FMNL2: variants seen among roughly 807,000 people sequenced by gnomAD.
FMNL2 encodes formin-like protein 2.
FMNL2 carries 51 observed loss-of-function variants against 130.2 expected under a neutral mutation model. That is an observed-to-expected ratio of 0.39 (90% CI 0.31 to 0.49). FMNL2 has a LOEUF of 0.49. Ranked by LOEUF, FMNL2 falls within the 20% of genes least tolerant of loss-of-function variation. The pLI is 0.85. For synonymous variants in FMNL2, 465 were observed against 467.1 expected (o/e 1.00, Z 0.06); for missense variants, 977 against 1,316.2 (o/e 0.74, Z 3.99).
chr2:152,494,567 TTCTC>T (rs1691396046), intron 1 of FMNL2, among the ~76,000 whole-genome samples: 1 of 152,174 alleles, frequency 6.6e-6, no homozygotes, highest in African/African-American at 2.4e-5. Flanking sequence ...TGCTACGAGT[TTCTC>T]TCCTTCCAGA....
chr2:152,592,101 C>CA (rs889822421), intron 9 of FMNL2, among the ~76,000 whole-genome samples: 9 of 150,014 alleles, frequency 6.0e-5, no homozygotes, highest in East Asian at 5.9e-4. Flanking sequence ...GACTTCGTCT[C>CA]AAAAAAAAAG....
chr2:152,580,940 C>T lies in FMNL2; in HGVS notation c.783-16C>T. 1 of 1,610,400 alleles carries T rather than the reference C, an allele frequency of 6.2e-7. No homozygotes were observed. Among genetic ancestry groups the T allele is most frequent in the Non-Finnish European group, 8.5e-7 (1 of 1,178,274 alleles). ...ATTTTCACTGATTTGTGTTTTTCTTCTTCTTGTTTTGGCAGAACAAAAGCC... is the reference window on the plus strand; with the variant it reads ...ATTTTCACTGATTTGTGTTTTTCTTTTTCTTGTTTTGGCAGAACAAAAGCC... On this transcript the variant is annotated splice_polypyrimidine_tract_variant and intron_variant, in intron 8 of 25. Coordinates refer to ENST00000288670, the MANE Select transcript of FMNL2 (RefSeq NM_052905.4).
intron 1 of FMNL2, among the ~76,000 whole-genome samples, chr2:152,387,958 G>A (rs1280818410): frequency 2.6e-5 from 4 of 151,930 alleles, no homozygotes; most frequent in Non-Finnish European, 5.9e-5. Context: ...TTGGCTGCAC[G>A]TTTTCTTTCC....
intron 1 of FMNL2, among the ~76,000 whole-genome samples, chr2:152,379,906 T>C (rs1017452974): frequency 6.6e-6 from 1 of 152,224 alleles, no homozygotes. Flanking sequence ...GTGAAAGCTA[T>C]AGAAAGCTGT....
chr2:152,440,464 G>T (rs1215602989), intron 1 of FMNL2, among the ~76,000 whole-genome samples: 1 of 152,210 alleles, frequency 6.6e-6, no homozygotes, highest in Non-Finnish European at 1.5e-5. Flanking sequence ...TAAGGACAAG[G>T]GAAATGGCCC....
chr2:152,568,280 A>G (rs1049255831), intron 6 of FMNL2, among the ~76,000 whole-genome samples: 3 of 141,860 alleles, frequency 2.1e-5, no homozygotes, highest in African/African-American at 8.2e-5. Flanking sequence ...TAGTGGCGTG[A>G]TCTCGGCTCA....
intron 1 of FMNL2, among the ~76,000 whole-genome samples, chr2:152,437,027 A>G (rs577862964): frequency 2.6e-5 from 4 of 152,310 alleles, no homozygotes; most frequent in African/African-American, 4.8e-5. Flanking sequence ...TGGTGAAGGT[A>G]TGCTTCATGG....
intron 10 of FMNL2, among the ~76,000 whole-genome samples, chr2:152,610,218 A>C (rs1418575247): frequency 6.6e-6 from 1 of 152,206 alleles, no homozygotes; most frequent in Non-Finnish European, 1.5e-5. Flanking sequence ...TCTTTAAAAA[A>C]TGTTCTTTGT....
At chr2:152,518,963 C>T (rs1028051306) in intron 1 of FMNL2, among the ~76,000 whole-genome samples, 5 of 152,320 alleles carry the variant, frequency 3.3e-5, no homozygotes, top group Middle Eastern at 3.4e-3. Flanking sequence ...CATGTCTAGG[C>T]ATGATATGGC....
chr2:152,351,939 C>T (rs1281915791), intron 1 of FMNL2, among the ~76,000 whole-genome samples: 1 of 152,164 alleles, frequency 6.6e-6, no homozygotes, highest in African/African-American at 2.4e-5. Context: ...TTGCATTTCT[C>T]TAATGACTAG....
intron 1 of FMNL2, among the ~76,000 whole-genome samples, chr2:152,442,515 C>T (rs1455760135): frequency 6.6e-6 from 1 of 152,092 alleles, no homozygotes; most frequent in Non-Finnish European, 1.5e-5. Flanking sequence ...TCCCTAAGTG[C>T]TGGGATTACA....
At chr2:152,614,266 T>G (rs571349180) in intron 11 of FMNL2, among the ~76,000 whole-genome samples, 1 of 152,302 alleles carries the variant, frequency 6.6e-6, no homozygotes, top group South Asian at 2.1e-4. Context: ...TATCAAAATG[T>G]TTTACATAGG....
intron 7 of FMNL2, chr2:152,578,587 ATTTT>A (rs577799870): frequency 2.5e-4 from 36 of 141,852 alleles, no homozygotes; most frequent in Non-Finnish European, 4.1e-4. Context: ...ATCATTGCCG[ATTTT>A]TTTTTTTTTT....
chr2:152,633,212 C>T (rs1682301396), intron 21 of FMNL2, among the ~76,000 whole-genome samples: 1 of 151,962 alleles, frequency 6.6e-6, no homozygotes, highest in East Asian at 1.9e-4. Flanking sequence ...CCTCCCACCT[C>T]AGCCTCCTGA....
At chr2:152,344,753 C>G (rs1327374693) in intron 1 of FMNL2, among the ~76,000 whole-genome samples, 1 of 152,092 alleles carries the variant, frequency 6.6e-6, no homozygotes, top group Admixed American at 6.5e-5. Flanking sequence ...TCAATGCAGC[C>G]CTTTTGCTTT....
chr2:152,579,704 T>G (rs1313522747), intron 8 of FMNL2, among the ~76,000 whole-genome samples: 2 of 151,984 alleles, frequency 1.3e-5, no homozygotes, highest in East Asian at 3.9e-4. Flanking sequence ...TCTCAAAAAA[T>G]AAAGAAAGAA....
intron 1 of FMNL2, among the ~76,000 whole-genome samples, chr2:152,351,659 C>T (rs1028724420): frequency 1.3e-5 from 2 of 152,302 alleles, no homozygotes; most frequent in Admixed American, 1.3e-4. Flanking sequence ...TTGCAGTAGA[C>T]ATACGTGTGC....
chr2:152,363,579 CAAG>C (rs1180793893), intron 1 of FMNL2, among the ~76,000 whole-genome samples: 1 of 148,438 alleles, frequency 6.7e-6, no homozygotes, highest in East Asian at 1.9e-4. Flanking sequence ...TTTTCCCCCC[CAAG>C]ACAGAGTCTC....
At chr2:152,506,039 G>A (rs994349703) in intron 1 of FMNL2, among the ~76,000 whole-genome samples, 1 of 152,126 alleles carries the variant, frequency 6.6e-6, no homozygotes, top group Non-Finnish European at 1.5e-5. Flanking sequence ...GAAGTTACAT[G>A]TGAAAAAAAC....
Sources: gnomAD v4.1 joint callset for allele counts (sites outside exome capture counted in the v4.1 genomes callset) on GRCh38, gnomAD v4.1.1 for gene constraint, MANE v1.5 for transcripts, NCBI Gene and HGNC (gene_info 2026-07-23, HGNC 2026-07-21) for gene names.